ITSN2: variants seen among roughly 807,000 people sequenced by gnomAD.
The protein encoded by ITSN2 is intersectin-2.
In ITSN2, 156 loss-of-function variants were observed where a neutral mutation model predicts 243.7. That is an observed-to-expected ratio of 0.64 (90% CI 0.56 to 0.73). The LOEUF is 0.73. ITSN2 is among the 30% of genes least tolerant of loss of function. The pLI, the probability that ITSN2 is intolerant of heterozygous loss-of-function variation, is 0.00. For missense variants in ITSN2, 1,801 were observed against 1,996.1 expected, an observed-to-expected ratio of 0.90 and a Z score of 1.86; for synonymous variants, 703 against 699.9, an observed-to-expected ratio of 1.00 and a Z score of -0.07.
At chr2:24,298,632 T>G (rs1424332574) in intron 13 of ITSN2, 33 bp downstream of exon 13, 3 of 1,582,088 alleles carry the variant, frequency 1.9e-6, no homozygotes, top group East Asian at 2.3e-5. Context: ...TCCATCATCA[T>G]TCAGATAAAT....
At chr2:24,241,818 T>A (rs1573974590) in intron 29 of ITSN2, 1 of 152,632 alleles carries the variant, frequency 6.6e-6, no homozygotes, top group African/African-American at 2.4e-5. Context: ...TAAAAAAGCA[T>A]GGCAGCCTAT....
rs372641484 is a variant in ITSN2 at position 24,299,965 on chromosome 2, G to A, written c.1288C>T (p.Arg430Trp). Residue 430 changes from arginine to tryptophan, a missense_variant, in exon 12 of 40, where the codon CGG (arginine) becomes TGG (tryptophan). By Grantham distance (101) the Arg-to-Trp change is moderately radical. Around this residue, in one of 5 missense-constraint regions of ITSN2, gnomAD observed 787 missense variants for 803.9 expected, o/e 0.98. Coordinates refer to ENST00000355123, the MANE Select transcript of ITSN2 (RefSeq NM_006277.3). Reference sequence around the variant, plus strand: ...TCCTCTCGTTGTCTCTCCAATTCCCGTTGCTTCTCTAAGCGTTTTTCTAAT... The same window carrying A: ...TCCTCTCGTTGTCTCTCCAATTCCCATTGCTTCTCTAAGCGTTTTTCTAAT... ...LELEKRLEKQ[R>W]ELERQREEER... 28 of 1,613,426 alleles carry A rather than the reference G, an allele frequency of 1.7e-5. No individual in the cohort carries two copies. Among genetic ancestry groups the A allele is most frequent in the African/African-American group, 4.0e-5 (3 of 74,770 alleles).
chr2:24,258,162 T>C (rs1034950890), intron 22 of ITSN2, 69 bp from the exon 23 acceptor site: 3 of 1,140,356 alleles, frequency 2.6e-6, no homozygotes, highest in African/African-American at 3.1e-5. Context: ...TCTGTGTATA[T>C]AACATACTTA....
In ITSN2 at chr2:24,302,068, T is replaced by C. The variant is rs1681831346; in HGVS notation, c.892A>G (p.Lys298Glu). The C allele has an allele frequency of 1.9e-6, 3 of 1,611,920 alleles. No homozygotes were observed. Among genetic ancestry groups the C allele is most frequent in the Non-Finnish European group, 2.5e-6 (3 of 1,178,694 alleles). ...ATTGCAAGAATAAACTCTTCTGCTT[T>C]TAGCTGTCCATCACCATCAACGTCA... ...LADVDGDGQLKAEEFILAMHL... is the reference protein window; with the variant it reads ...LADVDGDGQLEAEEFILAMHL... Residue 298 changes from lysine to glutamate, a missense_variant, in exon 10 of 40, where the codon AAA becomes GAA. Around this residue, in one of 5 missense-constraint regions of ITSN2, gnomAD observed 787 missense variants for 803.9 expected, o/e 0.98. Transcript: ENST00000355123.
Position 24,310,539 on chromosome 2 carries a change from T to C in ITSN2, c.506A>G (p.Asn169Ser), listed in dbSNP as rs1683132573. 6.2e-7 allele frequency: 1 copy of C among 1,613,932 alleles called. No individual in the cohort carries two copies. The highest frequency in any genetic ancestry group is 8.5e-7 in the Non-Finnish European group (1 of 1,179,986). Reference protein sequence around the residue: ...VPSVSTSSLPNGTASLIQPLP... With the variant: ...VPSVSTSSLPSGTASLIQPLP... ...AGGCTGAATGAGACTGGCGGTTCCA[T>C]TTGGTAATGATGATGTGCTAACAGA... Residue 169 changes from asparagine (N) to serine (S), a missense_variant, in exon 6 of 40, where the codon AAT becomes AGT. Around this residue, in one of 5 missense-constraint regions of ITSN2, gnomAD observed 787 missense variants for 803.9 expected, o/e 0.98. Transcript: ENST00000355123.
chr2:24,328,876 AAC>A (rs929154917), intron 1 of ITSN2, among the ~76,000 whole-genome samples: 3 of 152,200 alleles, frequency 2.0e-5, no homozygotes, highest in Non-Finnish European at 4.4e-5. Flanking sequence ...TAATTATTAA[AAC>A]ACACAAAATT....
rs966571181 is a variant in ITSN2 at position 24,204,626 on chromosome 2, G to A, written c.4763-208C>T. The A allele has an allele frequency of 7.0e-5, 46 of 656,962 alleles. No individual in the cohort carries two copies. The highest frequency in any genetic ancestry group is 1.1e-4 in the Non-Finnish European group (40 of 356,490). 40.7% of individuals were successfully genotyped at this position (656,962 alleles called of 1,614,324 possible). ...CTGACAGCAGCATTAACTGGGGAGT[G>A]GCCGAGAGCTCCACCGCCAGGACCA... On this transcript the variant is annotated intron_variant, in intron 38 of 39. Transcript: ENST00000355123. The surrounding 1 kb of genome is among the most constrained non-coding windows in gnomAD (Gnocchi z 5.1).
chr2:24,261,058 A>T, intron 22 of ITSN2, 48 bp downstream of exon 22: 1 of 1,541,404 alleles, frequency 6.5e-7, no homozygotes, highest in Non-Finnish European at 8.9e-7. Flanking sequence ...TATTTTAATC[A>T]GGAGCAAATT....
intron 1 of ITSN2, among the ~76,000 whole-genome samples, chr2:24,348,724 T>A (rs1198063007): frequency 5.3e-5 from 8 of 152,194 alleles, no homozygotes; most frequent in African/African-American, 1.7e-4. Flanking sequence ...ATAACTTTTA[T>A]CTGTGATTGG....
At chr2:24,209,734 G>T in intron 35 of ITSN2, 84 bp downstream of exon 35, 1 of 1,102,220 alleles carries the variant, frequency 9.1e-7, no homozygotes, top group Non-Finnish European at 1.4e-6. Context: ...CGTAAGGCCA[G>T]CTCAGGGTCT....
chr2:24,334,183 C>T (rs1358220961), intron 1 of ITSN2, among the ~76,000 whole-genome samples: 1 of 152,154 alleles, frequency 6.6e-6, no homozygotes, highest in East Asian at 1.9e-4. Context: ...CTCAGCCTCC[C>T]AAGTAGCTGG....
rs543546452 is a variant in ITSN2, at chr2:24,225,604, C to CG, written c.3578-4539_3578-4538insC. ...TTTCCTTCTGTCTTCTGCCTCTTGC[C>CG]TGCTGCCTGGCTCTCTGCTCCCCCC... On this transcript the variant is annotated intron_variant, in intron 29 of 39. Transcript: ENST00000355123. The surrounding 1 kb of genome is among the most constrained non-coding windows in gnomAD (Gnocchi z 4.2). Among the ~76,000 whole-genome samples the CG allele has an allele frequency of 2.7e-4, 41 of 152,168 alleles. No individual in the cohort carries two copies. Among genetic ancestry groups the CG allele is most frequent in the Non-Finnish European group, 5.1e-4 (35 of 68,040 alleles).
At chr2:24,284,971 A>G in intron 16 of ITSN2, 128 bp from the exon 17 acceptor site, 1 of 505,604 alleles carries the variant, frequency 2.0e-6, no homozygotes, top group East Asian at 3.6e-5. Context: ...ATCTCAGCTC[A>G]CTGCAACCTC....
rs72853569 is a variant in ITSN2, at chr2:24,208,554, C to A, written c.4596-235G>T. Among the ~76,000 whole-genome samples, 1,757 of 152,322 alleles carry A rather than the reference C, an allele frequency of 0.012. 30 individuals carry two copies. Among genetic ancestry groups the A allele is most frequent in the African/African-American group, 0.04 (1,683 of 41,556 alleles). ...CCAGGCACTCGCAAGGCGCTGGGACCTGGAGACAGATGATGCATTGGCCCC... is the reference window on the plus strand; with the variant it reads ...CCAGGCACTCGCAAGGCGCTGGGACATGGAGACAGATGATGCATTGGCCCC... On this transcript the variant is annotated intron_variant, in intron 36 of 39. Transcript: ENST00000355123.
intron 29 of ITSN2, among the ~76,000 whole-genome samples, chr2:24,224,058 T>C (rs1266687083): frequency 9.0e-5 from 1 of 11,074 alleles, no homozygotes; most frequent in Non-Finnish European, 1.8e-4. Flanking sequence ...GACGAGGCTT[T>C]TGTGGAGCAA....
intron 22 of ITSN2, among the ~76,000 whole-genome samples, chr2:24,259,168 C>T (rs917783694): frequency 6.6e-6 from 1 of 152,196 alleles, no homozygotes; most frequent in African/African-American, 2.4e-5. Flanking sequence ...ATTCCTCCTG[C>T]ACTGTCTACC....
intron 2 of ITSN2, among the ~76,000 whole-genome samples, chr2:24,327,266 A>G (rs1685252887): frequency 6.6e-6 from 1 of 152,172 alleles, no homozygotes; most frequent in African/African-American, 2.4e-5. Context: ...ACTTTTCATT[A>G]TTCAAATTAC....
At chr2:24,245,088 A>T (rs1307327309) in intron 29 of ITSN2, among the ~76,000 whole-genome samples, 3 of 152,196 alleles carry the variant, frequency 2.0e-5, no homozygotes, top group African/African-American at 7.2e-5. Context: ...AAAAAGTGAC[A>T]ATCATTTCAT....
Position 24,209,137 on chromosome 2 carries a change from G to T in ITSN2, c.4558C>A (p.Arg1520=), listed in dbSNP as rs370151156. 6 of 1,613,912 alleles carry T rather than the reference G, an allele frequency of 3.7e-6. No individual in the cohort carries two copies. The African/African-American group carries it at 5.3e-5, about 14-fold the overall frequency. Residue 1520 remains arginine (R), a synonymous_variant, in exon 36 of 40, where the codon CGG becomes AGG. Coordinates refer to ENST00000355123, the MANE Select transcript of ITSN2 (RefSeq NM_006277.3). ...TTGTCTGTTCGGAGGGTGTAGACCC[G>T]ATCAATGTGGGAAATGTGGAAGACA... ...EPVFHISHID[R]VYTLRTDNIN...
Sources: allele counts gnomAD v4.1 joint callset (sites outside exome capture counted in the v4.1 genomes callset), GRCh38; gene constraint gnomAD v4.1.1; regional missense constraint gnomAD v4.1.1; non-coding constraint Gnocchi (gnomAD v3.1); transcripts MANE v1.5; gene names NCBI Gene and HGNC (gene_info 2026-07-23, HGNC 2026-07-21).